MYO16: variants seen among roughly 807,000 people sequenced by gnomAD.
The protein encoded by MYO16 is myosin XVI, also known as unconventional myosin-XVI.
A neutral mutation model predicts 205.3 loss-of-function variants in MYO16; 94 were observed. That is an observed-to-expected ratio of 0.46 (90% CI 0.39 to 0.54). The LOEUF is 0.54. Among genes scored for constraint, MYO16 ranks in the 20% least tolerant of loss-of-function variants. The pLI, the probability that MYO16 is intolerant of heterozygous loss-of-function variation, is 0.00. For synonymous variants in MYO16, 988 were observed against 954.0 expected (o/e 1.04, Z -0.66); for missense variants, 2,315 against 2,387.5 (o/e 0.97, Z 0.63).
chr13:108,537,669 G>GT, the MYO16 span, among the ~76,000 whole-genome samples: 1 of 151,702 alleles, frequency 6.6e-6, no homozygotes, highest in South Asian at 2.1e-4. Context: ...TTGTTTTTTT[G>GT]TTTTTTGTTT....
intron 2 of MYO16, among the ~76,000 whole-genome samples, chr13:108,693,375 A>G (rs969947148): frequency 6.6e-6 from 1 of 152,174 alleles, no homozygotes; most frequent in Non-Finnish European, 1.5e-5. Flanking sequence ...GTGCCCATTA[A>G]TTAGTCATTT....
At chr13:109,196,937 CAGAG>C (rs1566559043) in intron 34 of MYO16, among the ~76,000 whole-genome samples, 3 of 152,314 alleles carry the variant, frequency 2.0e-5, no homozygotes. Flanking sequence ...ATTAAACTGT[CAGAG>C]AGCCTGTGCA....
At chr13:108,542,102 A>C in the MYO16 span, among the ~76,000 whole-genome samples, 1 of 152,226 alleles carries the variant, frequency 6.6e-6, no homozygotes, top group Non-Finnish European at 1.5e-5. Flanking sequence ...AAAATGTGGT[A>C]CATATACATC....
At chr13:108,752,394 G>A (rs2139637765) in intron 4 of MYO16, among the ~76,000 whole-genome samples, 1 of 152,180 alleles carries the variant, frequency 6.6e-6, no homozygotes, top group South Asian at 2.1e-4. Flanking sequence ...TTGTTAGTAA[G>A]GGGCACAGAT....
chr13:108,935,232 T>C (rs532067870), intron 16 of MYO16, among the ~76,000 whole-genome samples: 1 of 152,228 alleles, frequency 6.6e-6, no homozygotes, highest in Non-Finnish European at 1.5e-5. Flanking sequence ...ATTAGTGATA[T>C]TGATTCTTCT....
chr13:108,894,098 G>GCC (rs1880298415), intron 14 of MYO16, among the ~76,000 whole-genome samples: 1 of 152,192 alleles, frequency 6.6e-6, no homozygotes, highest in Non-Finnish European at 1.5e-5. Flanking sequence ...CATCTTACAT[G>GCC]ATGGCAGGAG....
intron 7 of MYO16, among the ~76,000 whole-genome samples, chr13:108,811,373 G>T (rs1887285984): frequency 1.3e-5 from 2 of 151,604 alleles, no homozygotes; most frequent in Admixed American, 6.6e-5. Flanking sequence ...GCCATCCTAG[G>T]CTCCTTTTTG....
At chr13:108,872,328 A>C (rs536885084) in intron 12 of MYO16, among the ~76,000 whole-genome samples, 9 of 152,150 alleles carry the variant, frequency 5.9e-5, no homozygotes, top group Non-Finnish European at 1.3e-4. Flanking sequence ...CTTTAACATA[A>C]TATTTTTTAT....
intron 34 of MYO16, among the ~76,000 whole-genome samples, chr13:109,202,561 C>T (rs984574768): frequency 5.7e-4 from 87 of 152,138 alleles, no homozygotes; most frequent in African/African-American, 1.9e-3. Flanking sequence ...ATAGATGATG[C>T]GAACAAATGG....
chr13:108,807,018 T>A (rs533175449), intron 7 of MYO16, among the ~76,000 whole-genome samples: 1 of 152,220 alleles, frequency 6.6e-6, no homozygotes, highest in Non-Finnish European at 1.5e-5. Context: ...TGTAGTCAAG[T>A]CATTGAAGAA....
At chr13:109,023,367 T>C (rs1399233116) in intron 23 of MYO16, among the ~76,000 whole-genome samples, 1 of 67,550 alleles carries the variant, frequency 1.5e-5, no homozygotes, top group African/African-American at 6.1e-5. Flanking sequence ...GATATAAATA[T>C]ATATTTATAT....
intron 7 of MYO16, among the ~76,000 whole-genome samples, chr13:108,813,817 T>C (rs1316019105): frequency 1.3e-5 from 2 of 152,182 alleles, no homozygotes; most frequent in Non-Finnish European, 2.9e-5. Flanking sequence ...CTCTACCTGC[T>C]CACATTTTAA....
chr13:109,055,679 T>C lies in MYO16; in HGVS notation c.3335+84T>C. ...CACTGACACTATTGTAGCAAGGGTC[T>C]TCTGTTGTCTTTTTTGGCACTGCTT... On this transcript the variant is annotated intron_variant, in intron 27 of 34. Transcript: ENST00000457511. This position sits in a 1 kb window ranked among gnomAD's most constrained non-coding sequence, Gnocchi z 5.0. 1 of 1,249,972 alleles carries C rather than the reference T, an allele frequency of 8.0e-7. No homozygotes were observed. 77.4% of individuals were successfully genotyped at this position (1,249,972 alleles called of 1,614,324 possible). A position where few individuals can be genotyped will look rare whatever the true frequency, so the allele number is the denominator to read the frequency against.
chr13:109,019,845 T>C lies in MYO16; in HGVS notation c.2730T>C (p.Asp910=). 6.2e-7 allele frequency: 1 copy of C among 1,614,098 alleles called. No individual in the cohort carries two copies. The highest frequency in any genetic ancestry group is 8.5e-7 in the Non-Finnish European group (1 of 1,180,000). The change falls in exon 23 of 35, where the codon GAT becomes GAC. Residue 910 remains aspartate (D), a synonymous_variant. Transcript: ENST00000457511. ...ATGCGGTGTACTCCCCCATGAAGGA[T>C]GGGAATGGGAATGTTGCCCTCAAAG... ...NTNAVYSPMK[D]GNGNVALKDH... is the part of the protein sequence containing the mutation.
Position 108,972,249 on chromosome 13 carries a change from C to CTCTCTATA in MYO16, c.2369+7348_2369+7349insCTCTATAT, listed in dbSNP as rs1178345437. ...TCTCTCTCTCTCTCTCTCTCTCTCT[C>CTCTCTATA]TATATATATATATATATATATATAT... On this transcript the variant is annotated intron_variant, in intron 20 of 34. Coordinates refer to ENST00000457511, the MANE Select transcript of MYO16 (RefSeq NM_001198950.3). Among the ~76,000 whole-genome samples, 7 of 2,852 alleles carry CTCTCTATA rather than the reference C, an allele frequency of 2.5e-3. 1 individual carries two copies. Among genetic ancestry groups the CTCTCTATA allele is most frequent in the Non-Finnish European group, 4.1e-3 (7 of 1,698 alleles). 1.9% of individuals were successfully genotyped at this position (2,852 alleles called of 152,430 possible).
chr13:108,878,667 A>G (rs1879443602), intron 12 of MYO16, among the ~76,000 whole-genome samples: 1 of 152,234 alleles, frequency 6.6e-6, no homozygotes, highest in Admixed American at 6.5e-5. Flanking sequence ...AGCAAAGCTA[A>G]AAGAGTACAC....
chr13:109,152,232 CT>C (rs1485425261), intron 32 of MYO16, among the ~76,000 whole-genome samples: 2 of 152,280 alleles, frequency 1.3e-5, no homozygotes, highest in East Asian at 3.9e-4. Context: ...GCTAAATTGC[CT>C]TTCGAGTAAC....
intron 33 of MYO16, among the ~76,000 whole-genome samples, chr13:109,178,427 C>A (rs1306709915): frequency 6.6e-6 from 1 of 152,180 alleles, no homozygotes; most frequent in Non-Finnish European, 1.5e-5. Flanking sequence ...CCCTGAGGAA[C>A]TCTCTCCTAT....
At position 109,127,443 on chromosome 13, in the gene MYO16, G is replaced by A. The variant is rs779167722; in HGVS notation, c.3944G>A (p.Arg1315Gln). Reference sequence around the variant, plus strand: ...GACAGCAGCAGCCTCCCGTCTCCACGGAAACAGCCCCCGCCCAAGCCAAAG... The same window carrying A: ...GACAGCAGCAGCCTCCCGTCTCCACAGAAACAGCCCCCGCCCAAGCCAAAG... ...MDDSSSLPSP[R>Q]KQPPPKPKRD... Residue 1315 changes from arginine (R) to glutamine (Q), a missense_variant, in exon 31 of 35, where the codon CGG becomes CAG. Physicochemically the swap from Arg to Gln is conservative, Grantham distance 43. Around this residue, in one of 3 missense-constraint regions of MYO16, gnomAD observed 1,097 missense variants for 1,092.0 expected, o/e 1.00. Transcript: ENST00000457511. The surrounding 1 kb of genome is among the most constrained non-coding windows in gnomAD (Gnocchi z 4.2). 8.7e-6 allele frequency: 14 copies of A among 1,613,980 alleles called. No individual in the cohort carries two copies. Among genetic ancestry groups the A allele is most frequent in the East Asian group, 2.2e-5 (1 of 44,814 alleles).
Sources: gnomAD v4.1 joint callset for allele counts (sites outside exome capture counted in the v4.1 genomes callset) on GRCh38, gnomAD v4.1.1 for gene constraint, gnomAD v4.1.1 regional missense constraint, Gnocchi (gnomAD v3.1) non-coding constraint, MANE v1.5 for transcripts, NCBI Gene and HGNC (gene_info 2026-07-23, HGNC 2026-07-21) for gene names.